The following DIAPH3 variants were observed in gnomAD, a reference collection of about 807,000 sequenced individuals.
The protein encoded by DIAPH3 is protein diaphanous homolog 3.
DIAPH3 carries 117 observed loss-of-function variants against 144.3 expected under a neutral mutation model. The ratio of observed to expected loss-of-function variants is 0.81; its 90% CI spans 0.70 to 0.95. DIAPH3 has a LOEUF of 0.95. Among genes scored for constraint, DIAPH3 ranks in the 40% least tolerant of loss-of-function variants. The pLI, the probability that DIAPH3 is intolerant of heterozygous loss-of-function variation, is 0.00. For synonymous variants in DIAPH3, 519 were observed against 488.9 expected, an observed-to-expected ratio of 1.06 and a Z score of -0.81; for missense variants, 1,421 against 1,412.7, an observed-to-expected ratio of 1.01 and a Z score of -0.09.
intron 27 of DIAPH3, among the ~76,000 whole-genome samples, chr13:59,683,877 TCA>T (rs1169559010): frequency 6.6e-6 from 1 of 152,164 alleles, no homozygotes; most frequent in African/African-American, 2.4e-5. Flanking sequence ...TCCATTCTCT[TCA>T]CAGTCAGTCT....
In DIAPH3 at chr13:59,916,194, C is replaced by T. The variant is rs1333716003; in HGVS notation, c.2226G>A (p.Leu742=). Residue 742 remains leucine (L), a synonymous_variant, in exon 19 of 28, where the codon TTG becomes TTA. Transcript: ENST00000400324. ...VPYEEIRMMI[L]EVDETRLAES... is the part of the protein sequence containing the mutation. The stretch of plus-strand genomic sequence containing the variant: ...CTGCCAACCGTGTTTCATCTACTTC[C>T]AATATCATCATTCTGATTTCCTCAT... The T allele has an allele frequency of 3.1e-6, 5 of 1,613,248 alleles. No homozygotes were observed. The South Asian group carries it at 3.3e-5, about 11-fold the overall frequency.
At chr13:59,765,455 A>G (rs1191677758) in intron 27 of DIAPH3, among the ~76,000 whole-genome samples, 2 of 152,226 alleles carry the variant, frequency 1.3e-5, no homozygotes, top group Admixed American at 1.3e-4. Flanking sequence ...CTAACAGCCT[A>G]TGAAACACAT....
chr13:59,902,843 C>T (rs1296164309), intron 20 of DIAPH3, among the ~76,000 whole-genome samples: 2 of 152,046 alleles, frequency 1.3e-5, no homozygotes, highest in Non-Finnish European at 2.9e-5. Flanking sequence ...AAGATGCATA[C>T]CTCTAAGATT....
intron 1 of DIAPH3, among the ~76,000 whole-genome samples, chr13:60,158,052 AC>A (rs1262983422): frequency 6.6e-6 from 1 of 152,150 alleles, no homozygotes; most frequent in Non-Finnish European, 1.5e-5. Context: ...TAACCACCCC[AC>A]ATGACCCTGA....
At chr13:59,884,545 G>A (rs1348611083) in intron 20 of DIAPH3, among the ~76,000 whole-genome samples, 4 of 152,028 alleles carry the variant, frequency 2.6e-5, no homozygotes, top group South Asian at 4.1e-4. Context: ...GGAGAGGTAT[G>A]ATAAGCAAGA....
At chr13:59,761,325 C>T (rs902754875) in intron 27 of DIAPH3, among the ~76,000 whole-genome samples, 7 of 152,072 alleles carry the variant, frequency 4.6e-5, no homozygotes, top group Non-Finnish European at 1.0e-4. Flanking sequence ...ATCAGTGTTT[C>T]AAAATGCGAA....
At chr13:59,684,161 T>C (rs2138650126) in intron 27 of DIAPH3, among the ~76,000 whole-genome samples, 1 of 152,296 alleles carries the variant, frequency 6.6e-6, no homozygotes, top group South Asian at 2.1e-4. Context: ...GAACTCTGAA[T>C]ATCTCAGGCA....
In DIAPH3 at chr13:59,971,105, C is replaced by A. The variant is rs776635573; in HGVS notation, c.1706G>T (p.Gly569Val). 1.2e-6 allele frequency: 2 copies of A among 1,609,548 alleles called. No homozygotes were observed. Among genetic ancestry groups the A allele is most frequent in the African/African-American group, 2.7e-5 (2 of 74,836 alleles). The change falls in exon 16 of 28, where the codon GGA becomes GTA. Residue 569 changes from glycine (G) to valine (V), a missense_variant. Gly to Val is a moderately radical substitution (Grantham distance 109). Transcript: ENST00000400324. ...AGGAGGAAGTGCTGAGTGGCCAGTTCCACCTTCTTTAGAGGGAGGCAAAGG... is the reference window on the plus strand; with the variant it reads ...AGGAGGAAGTGCTGAGTGGCCAGTTACACCTTCTTTAGAGGGAGGCAAAGG... ...NIPLPPSKEG[G>V]TGHSALPPPP...
At chr13:59,901,528 G>T (rs1419965422) in intron 20 of DIAPH3, among the ~76,000 whole-genome samples, 1 of 152,158 alleles carries the variant, frequency 6.6e-6, no homozygotes, top group East Asian at 1.9e-4. Flanking sequence ...TTCCTGCAGA[G>T]CATTCACTAC....
At position 59,948,095 on chromosome 13, in the gene DIAPH3, A is replaced by C. The variant is rs116968450; in HGVS notation, c.2074+21849T>G. ...AAAAGTAGTATTAACTCTCTTTTTCAGATGAGAAAATTAAAGCTAATCTGA... is the reference window on the plus strand; with the variant it reads ...AAAAGTAGTATTAACTCTCTTTTTCCGATGAGAAAATTAAAGCTAATCTGA... On this transcript the variant is annotated intron_variant, in intron 17 of 27. Coordinates refer to ENST00000400324, the MANE Select transcript of DIAPH3 (RefSeq NM_001042517.2). Among the ~76,000 whole-genome samples, 1,080 of 152,320 alleles carry C rather than the reference A, an allele frequency of 7.1e-3. 6 individuals carry two copies. Among genetic ancestry groups the C allele is most frequent in the Non-Finnish European group, 0.011 (733 of 68,016 alleles).
At chr13:60,083,430 T>C (rs967503586) in intron 4 of DIAPH3, among the ~76,000 whole-genome samples, 7 of 152,102 alleles carry the variant, frequency 4.6e-5, no homozygotes, top group Non-Finnish European at 8.8e-5. Context: ...GCAAACTAGA[T>C]ATTAATGAAA....
At chr13:59,903,875 A>T (rs928526813) in intron 20 of DIAPH3, among the ~76,000 whole-genome samples, 1 of 152,212 alleles carries the variant, frequency 6.6e-6, no homozygotes, top group Admixed American at 6.5e-5. Context: ...ATGTGTCAGT[A>T]GATGTGCCAT....
At chr13:59,835,351 A>C (rs1222274434) in intron 23 of DIAPH3, among the ~76,000 whole-genome samples, 2 of 151,342 alleles carry the variant, frequency 1.3e-5, no homozygotes, top group African/African-American at 4.8e-5. Flanking sequence ...TAACATAGTA[A>C]TAAGTATGAT....
chr13:59,887,173 C>T (rs1299960262), intron 20 of DIAPH3, among the ~76,000 whole-genome samples: 1 of 151,818 alleles, frequency 6.6e-6, no homozygotes, highest in Non-Finnish European at 1.5e-5. Context: ...CTCATAATTA[C>T]CTTGTATTTT....
At chr13:59,713,002 A>G (rs2034830480) in intron 27 of DIAPH3, among the ~76,000 whole-genome samples, 1 of 152,122 alleles carries the variant, frequency 6.6e-6, no homozygotes, top group African/African-American at 2.4e-5. Context: ...TCGTGCTCCT[A>G]TGAGAATCTA....
chr13:60,076,948 T>C (rs2057401043), intron 4 of DIAPH3, among the ~76,000 whole-genome samples: 1 of 152,128 alleles, frequency 6.6e-6, no homozygotes, highest in African/African-American at 2.4e-5. Context: ...GTGAGAAGTA[T>C]ATATAAATCA....
chr13:59,713,905 G>A (rs1446751372), intron 27 of DIAPH3, among the ~76,000 whole-genome samples: 1 of 152,176 alleles, frequency 6.6e-6, no homozygotes, highest in African/African-American at 2.4e-5. Context: ...AGAGCAAAAA[G>A]GAAAATTAAG....
At chr13:60,105,124 A>AC (rs2058383569) in intron 3 of DIAPH3, among the ~76,000 whole-genome samples, 1 of 149,268 alleles carries the variant, frequency 6.7e-6, no homozygotes, top group South Asian at 2.1e-4. Flanking sequence ...AAAAAAAAAA[A>AC]ACTGCCAGTG....
intron 25 of DIAPH3, among the ~76,000 whole-genome samples, chr13:59,789,708 C>T (rs1040160410): frequency 2.6e-5 from 4 of 152,142 alleles, no homozygotes; most frequent in Non-Finnish European, 4.4e-5. Context: ...GCATATGGTG[C>T]GCACTGGAAG....
Sources: allele counts gnomAD v4.1 joint callset (sites outside exome capture counted in the v4.1 genomes callset), GRCh38; gene constraint gnomAD v4.1.1; transcripts MANE v1.5; gene names NCBI Gene and HGNC (gene_info 2026-07-23, HGNC 2026-07-21).